KCNH7: variants seen among roughly 807,000 people sequenced by gnomAD.
The protein encoded by KCNH7 is potassium voltage-gated channel subfamily H member 7.
Under a neutral mutation model 120.8 loss-of-function variants are expected in KCNH7, and 49 were observed. The observed-to-expected ratio is 0.41, with a 90% CI of 0.32 to 0.51. KCNH7 has a LOEUF of 0.51. Ranked by LOEUF, KCNH7 falls within the 20% of genes least tolerant of loss-of-function variation. The probability of loss-of-function intolerance (pLI) is 0.38; values close to 1 mark genes in which losing one functional copy is unlikely to be tolerated. For synonymous variants in KCNH7, 547 were observed against 516.1 expected (o/e 1.06, Z -0.81); for missense variants, 1,097 against 1,446.6 (o/e 0.76, Z 3.92).
intron 2 of KCNH7, among the ~76,000 whole-genome samples, chr2:162,657,972 T>C (rs1423879042): frequency 6.6e-6 from 1 of 152,010 alleles, no homozygotes; most frequent in Non-Finnish European, 1.5e-5. Flanking sequence ...CCCAATGTTA[T>C]GGCATCAGGG....
intron 2 of KCNH7, among the ~76,000 whole-genome samples, chr2:162,676,702 C>A (rs1685540707): frequency 6.6e-6 from 1 of 151,370 alleles, no homozygotes; most frequent in Non-Finnish European, 1.5e-5. Flanking sequence ...AACAGAAGTA[C>A]CTTGGAGAGC....
chr2:162,491,295 C>T (rs555848052), intron 6 of KCNH7, among the ~76,000 whole-genome samples: 1 of 152,288 alleles, frequency 6.6e-6, no homozygotes, highest in African/African-American at 2.4e-5. Flanking sequence ...GTTTATTTTT[C>T]TTTTTCCCAC....
chr2:162,720,664 G>A (rs1411926860), intron 2 of KCNH7, among the ~76,000 whole-genome samples: 1 of 151,956 alleles, frequency 6.6e-6, no homozygotes, highest in East Asian at 1.9e-4. Context: ...GCTGAACCTG[G>A]TATCTATAGC....
At chr2:162,768,380 G>GA (rs1253224904) in intron 2 of KCNH7, among the ~76,000 whole-genome samples, 3 of 151,930 alleles carry the variant, frequency 2.0e-5, no homozygotes, top group African/African-American at 7.2e-5. Context: ...CACATGGAGG[G>GA]AAAAAACCCA....
chr2:162,740,678 A>G (rs1392666611), intron 2 of KCNH7, among the ~76,000 whole-genome samples: 3 of 152,190 alleles, frequency 2.0e-5, no homozygotes, highest in Non-Finnish European at 2.9e-5. Flanking sequence ...AGCAGGTCCA[A>G]GTTCTCTTAA....
intron 2 of KCNH7, among the ~76,000 whole-genome samples, chr2:162,737,834 G>C (rs1446470430): frequency 6.6e-6 from 1 of 152,100 alleles, no homozygotes; most frequent in Non-Finnish European, 1.5e-5. Flanking sequence ...GGAGGTAGAG[G>C]TGGGTGGATC....
intron 2 of KCNH7, among the ~76,000 whole-genome samples, chr2:162,674,474 C>T (rs898699878): frequency 5.9e-5 from 9 of 151,600 alleles, no homozygotes; most frequent in Admixed American, 2.6e-4. Context: ...AACAAGTGTT[C>T]TTTGTGAAAT....
intron 12 of KCNH7, among the ~76,000 whole-genome samples, chr2:162,393,726 A>G (rs1686814629): frequency 6.6e-6 from 1 of 151,896 alleles, no homozygotes; most frequent in African/African-American, 2.4e-5. Context: ...ATCTGCCAAG[A>G]ACAATTAAAT....
intron 6 of KCNH7, among the ~76,000 whole-genome samples, chr2:162,454,965 C>T (rs1053812479): frequency 2.6e-5 from 4 of 152,004 alleles, no homozygotes; most frequent in African/African-American, 9.7e-5. Flanking sequence ...CCAGAACTTC[C>T]AATACTATCT....
chr2:162,395,764 C>A (rs909953150), intron 11 of KCNH7, among the ~76,000 whole-genome samples: 2 of 151,650 alleles, frequency 1.3e-5, no homozygotes, highest in Admixed American at 1.3e-4. Flanking sequence ...TATTAAATGG[C>A]ATCTAGGGGC....
chr2:162,656,356 C>T (rs1205327686), intron 2 of KCNH7, among the ~76,000 whole-genome samples: 5 of 152,168 alleles, frequency 3.3e-5, no homozygotes, highest in Admixed American at 6.5e-5. Flanking sequence ...TATATACACA[C>T]ATGCACAACA....
intron 6 of KCNH7, among the ~76,000 whole-genome samples, chr2:162,467,714 C>T (rs1689354641): frequency 6.6e-6 from 1 of 152,208 alleles, no homozygotes; most frequent in Non-Finnish European, 1.5e-5. Flanking sequence ...TGAAATCTTA[C>T]ATTTATGTGC....
chr2:162,544,555 C>T lies in KCNH7; in HGVS notation c.308-7475G>A, dbSNP rs116206922. Among the ~76,000 whole-genome samples, 485 of 152,250 alleles carry T rather than the reference C, an allele frequency of 3.2e-3. 2 individuals are homozygous for T. Among genetic ancestry groups the T allele is most frequent in the African/African-American group, 0.011 (465 of 41,560 alleles). ...ACTTTGTGCCCTTTCTGTTTTGGGACAGAATGCTTGGGTTCCAATTCCTTC... is the reference window on the plus strand; with the variant it reads ...ACTTTGTGCCCTTTCTGTTTTGGGATAGAATGCTTGGGTTCCAATTCCTTC... On this transcript the variant is annotated intron_variant, in intron 2 of 15. Transcript: ENST00000332142.
intron 9 of KCNH7, among the ~76,000 whole-genome samples, chr2:162,405,795 A>G (rs1687197199): frequency 6.6e-6 from 1 of 152,002 alleles, no homozygotes; most frequent in Non-Finnish European, 1.5e-5. Flanking sequence ...TAATTATAGT[A>G]TCTATTTTAT....
At chr2:162,754,544 G>A (rs1230265061) in intron 2 of KCNH7, among the ~76,000 whole-genome samples, 7 of 152,228 alleles carry the variant, frequency 4.6e-5, no homozygotes, top group African/African-American at 1.4e-4. Context: ...CATCCAGGTA[G>A]CAGGTAAAAA....
rs146995219 is a variant in KCNH7 at position 162,413,956 on chromosome 2, A to T, written c.2154+9380T>A. 2.7e-3 allele frequency among the ~76,000 whole-genome samples: 409 copies of T among 152,090 alleles called. 3 individuals carry two copies. Among genetic ancestry groups the T allele is most frequent in the Middle Eastern group, 0.01 (3 of 292 alleles). On this transcript the variant is annotated intron_variant, in intron 9 of 15. Coordinates refer to ENST00000332142, the MANE Select transcript of KCNH7 (RefSeq NM_033272.4). ...GGAAAATATGCAAAAAATGCTACGA[A>T]TGGGCAATTCATAGAATAAAAAAGC...
chr2:162,682,795 T>C (rs1002173856), intron 2 of KCNH7, among the ~76,000 whole-genome samples: 1 of 151,794 alleles, frequency 6.6e-6, no homozygotes, highest in East Asian at 1.9e-4. Flanking sequence ...CAAAGAGACC[T>C]ATCTGTATTT....
At chr2:162,824,034 C>T (rs1022612155) in intron 2 of KCNH7, among the ~76,000 whole-genome samples, 6 of 152,020 alleles carry the variant, frequency 3.9e-5, no homozygotes, top group African/African-American at 7.2e-5. Flanking sequence ...AGAAAAATCA[C>T]GAATGATATT....
intron 2 of KCNH7, among the ~76,000 whole-genome samples, chr2:162,623,539 C>A (rs1683436627): frequency 6.6e-6 from 1 of 152,108 alleles, no homozygotes; most frequent in Non-Finnish European, 1.5e-5. Flanking sequence ...CTGAAAAACA[C>A]CGATGTAATT....
Sources: allele counts gnomAD v4.1 joint callset (sites outside exome capture counted in the v4.1 genomes callset), GRCh38; gene constraint gnomAD v4.1.1; transcripts MANE v1.5; gene names NCBI Gene and HGNC (gene_info 2026-07-23, HGNC 2026-07-21).